SEL1L3: variants seen among roughly 807,000 people sequenced by gnomAD.
SEL1L3 encodes protein sel-1 homolog 3.
A neutral mutation model predicts 142.8 loss-of-function variants in SEL1L3; 76 were observed. That is an observed-to-expected ratio of 0.53 (90% CI 0.44 to 0.64). The LOEUF (loss-of-function observed/expected upper bound fraction) is 0.64. Ranked by LOEUF, SEL1L3 falls within the 30% of genes least tolerant of loss-of-function variation. The probability of loss-of-function intolerance (pLI) is 0.00; values close to 1 mark genes in which losing one functional copy is unlikely to be tolerated. For synonymous variants in SEL1L3, 504 were observed against 519.6 expected (o/e 0.97, Z 0.41); for missense variants, 1,262 against 1,381.7 (o/e 0.91, Z 1.37).
intron 15 of SEL1L3, among the ~76,000 whole-genome samples, chr4:25,780,969 G>T (rs6842854): frequency 2.0e-5 from 3 of 151,048 alleles, no homozygotes; most frequent in African/African-American, 7.3e-5. Flanking sequence ...GAGATTACAA[G>T]CATGCACCAC....
rs1717837385 is a variant in SEL1L3, at chr4:25,862,919, C to T, written c.-83G>A. ...GCCCGAGGCGCCACCTTCCCGCCCGCCCCCGGCCGGGCCGGCCGCCGCGCG... is the reference window on the plus strand; with the variant it reads ...GCCCGAGGCGCCACCTTCCCGCCCGTCCCCGGCCGGGCCGGCCGCCGCGCG... On this transcript the variant is annotated 5_prime_UTR_variant, in exon 1 of 24. Transcript: ENST00000399878. 6 of 949,942 alleles carry T rather than the reference C, an allele frequency of 6.3e-6. No homozygotes were observed. The highest frequency in any genetic ancestry group is 7.5e-6 in the Non-Finnish European group (6 of 798,430). The allele number at this position is 949,942 out of a possible 1,614,324, so 58.8% of individuals were successfully genotyped here.
intron 17 of SEL1L3, among the ~76,000 whole-genome samples, chr4:25,772,039 G>T (rs927051733): frequency 6.6e-6 from 1 of 151,848 alleles, no homozygotes; most frequent in Non-Finnish European, 1.5e-5. Context: ...ACACAAAAAT[G>T]AAAAAAGGGG....
the SEL1L3 span, among the ~76,000 whole-genome samples, chr4:25,724,151 G>C: frequency 6.6e-6 from 1 of 152,242 alleles, no homozygotes; most frequent in Non-Finnish European, 1.5e-5. Context: ...GGGCCCGGTG[G>C]CTCACACCTG....
At chr4:25,719,117 G>A in the SEL1L3 span, 24,413 of 152,132 alleles carry the variant, frequency 0.16, 2,019 homozygotes, top group Middle Eastern at 0.27. Context: ...CGTAGGTTGC[G>A]GTGAGCCGAG....
At chr4:25,758,156 T>C (rs1718121552) in intron 21 of SEL1L3, among the ~76,000 whole-genome samples, 1 of 152,226 alleles carries the variant, frequency 6.6e-6, no homozygotes, top group Non-Finnish European at 1.5e-5. Flanking sequence ...GATGTAGGAA[T>C]GCCTCATCTT....
At chr4:25,836,515 G>A (rs1477296090) in intron 2 of SEL1L3, among the ~76,000 whole-genome samples, 5 of 152,102 alleles carry the variant, frequency 3.3e-5, no homozygotes, top group African/African-American at 1.2e-4. Context: ...AGCCGGGCAT[G>A]GTAGTGCGTG....
At chr4:25,833,371 C>A in intron 4 of SEL1L3, 77 bp downstream of exon 4, 1 of 1,381,454 alleles carries the variant, frequency 7.2e-7, no homozygotes. Context: ...CTTCCTTATT[C>A]TAGACAGACA....
chr4:25,752,014 C>T (rs1238827727), intron 23 of SEL1L3, among the ~76,000 whole-genome samples: 1 of 148,336 alleles, frequency 6.7e-6, no homozygotes, highest in African/African-American at 2.5e-5. Flanking sequence ...GAGGCTGAGG[C>T]AGGAGAATCG....
intron 11 of SEL1L3, among the ~76,000 whole-genome samples, chr4:25,791,132 A>T (rs1158245598): frequency 6.6e-6 from 1 of 152,256 alleles, no homozygotes; most frequent in Non-Finnish European, 1.5e-5. Flanking sequence ...ATGCAAAATC[A>T]AAAAGGCAAA....
intron 15 of SEL1L3, 77 bp downstream of exon 15, chr4:25,782,165 C>T: frequency 1.5e-6 from 2 of 1,333,116 alleles, no homozygotes; most frequent in Non-Finnish European, 2.1e-6. Context: ...GGGTCTGGTG[C>T]ACACAGTGTA....
the SEL1L3 span, among the ~76,000 whole-genome samples, chr4:25,727,994 G>A: frequency 5.3e-5 from 8 of 152,104 alleles, no homozygotes; most frequent in Non-Finnish European, 7.4e-5. Context: ...GAACTAGGCC[G>A]GTTCTCAGAA....
At chr4:25,743,725 G>A (rs1371255656), downstream of SEL1L3, among the ~76,000 whole-genome samples, 2 of 152,210 alleles carry the variant, frequency 1.3e-5, no homozygotes, top group East Asian at 1.9e-4. Context: ...GCAGAGGGAT[G>A]AGACTTTGAA....
At chr4:25,821,890 G>A in intron 7 of SEL1L3, 106 bp downstream of exon 7, 1 of 1,142,304 alleles carries the variant, frequency 8.8e-7, no homozygotes. Flanking sequence ...CAGAGGCGAT[G>A]CATGGTCTGG....
the SEL1L3 span, among the ~76,000 whole-genome samples, chr4:25,721,454 C>T: frequency 0.038 from 5,770 of 151,934 alleles, 395 homozygotes; most frequent in African/African-American, 0.13. Flanking sequence ...GCAGGCTTCT[C>T]GGTAGAAAGA....
At chr4:25,772,816 G>T (rs1333448632) in intron 17 of SEL1L3, among the ~76,000 whole-genome samples, 1 of 151,768 alleles carries the variant, frequency 6.6e-6, no homozygotes, top group African/African-American at 2.4e-5. Context: ...TATTTTTTTT[G>T]AAAGGGAGTC....
chr4:25,860,033 C>A (rs1258362609), intron 1 of SEL1L3, among the ~76,000 whole-genome samples: 1 of 152,184 alleles, frequency 6.6e-6, no homozygotes, highest in Non-Finnish European at 1.5e-5. Flanking sequence ...AGCTGGGGCT[C>A]TGGAGGGAGA....
At position 25,783,494 on chromosome 4, in the gene SEL1L3, G is replaced by T. The variant is rs372161109; in HGVS notation, c.2280+734C>A. 8.5e-5 allele frequency among the ~76,000 whole-genome samples: 13 copies of T among 152,362 alleles called. No individual in the cohort carries two copies. In the East Asian group the frequency reaches 2.1e-3, roughly 25 times the overall value. The stretch of plus-strand genomic sequence containing the variant: ...GGGAGGCACATCCAGCTGCCAAAAG[G>T]GCTACAAGGTGCCTTGTCTAGGTGT... On this transcript the variant is annotated intron_variant, in intron 14 of 23. Coordinates refer to ENST00000399878, the MANE Select transcript of SEL1L3 (RefSeq NM_015187.5).
At chr4:25,755,128 G>C (rs961513452) in intron 23 of SEL1L3, among the ~76,000 whole-genome samples, 6 of 151,992 alleles carry the variant, frequency 3.9e-5, no homozygotes, top group Non-Finnish European at 8.8e-5. Flanking sequence ...CTATTGCCCA[G>C]GCTGGAGTGC....
intron 6 of SEL1L3, among the ~76,000 whole-genome samples, chr4:25,823,826 A>C (rs917828460): frequency 6.6e-6 from 1 of 152,152 alleles, no homozygotes; most frequent in African/African-American, 2.4e-5. Flanking sequence ...CAAGCTACCC[A>C]CAGTTGGATC....
Sources: gnomAD v4.1 joint callset for allele counts (sites outside exome capture counted in the v4.1 genomes callset) on GRCh38, gnomAD v4.1.1 for gene constraint, MANE v1.5 for transcripts, NCBI Gene and HGNC (gene_info 2026-07-23, HGNC 2026-07-21) for gene names.